The following CTNNA2 variants were observed in gnomAD, a reference collection of about 807,000 sequenced individuals.
CTNNA2 encodes the protein catenin alpha 2.
A neutral mutation model predicts 101.0 loss-of-function variants in CTNNA2; 42 were observed. The observed-to-expected ratio is 0.42, with a 90% confidence interval of 0.32 to 0.54. CTNNA2 has a LOEUF of 0.54. Among genes scored for constraint, CTNNA2 ranks in the 20% least tolerant of loss-of-function variants. CTNNA2 has a pLI of 0.14. For missense variants in CTNNA2, 871 were observed against 1,223.1 expected, an observed-to-expected ratio of 0.71 and a Z score of 4.29; for synonymous variants, 450 against 456.4, an observed-to-expected ratio of 0.99 and a Z score of 0.18.
intron 4 of CTNNA2, among the ~76,000 whole-genome samples, chr2:79,859,632 A>T (rs892453): frequency 0.38 from 54,063 of 142,412 alleles, 10,146 homozygotes; most frequent in East Asian, 0.65. Flanking sequence ...TTTTATTTTT[A>T]TTTTTTCCTC....
chr2:80,642,489 G>A lies in CTNNA2; in HGVS notation c.2575-5096G>A, dbSNP rs145108371. Among the ~76,000 whole-genome samples, 634 of 152,252 alleles carry A rather than the reference G, an allele frequency of 4.2e-3. 8 individuals are homozygous for A. Among genetic ancestry groups the A allele is most frequent in the African/African-American group, 0.013 (545 of 41,530 alleles). ...AGTAGTTGGCAGAAAGTATTCAGTA[G>A]GTGTCTGAAGAAATACTTGGATGAT... On this transcript the variant is annotated intron_variant, in intron 18 of 18. Transcript: ENST00000402739.
At chr2:79,639,868 G>A (rs888268927) in intron 1 of CTNNA2, among the ~76,000 whole-genome samples, 1 of 152,044 alleles carries the variant, frequency 6.6e-6, no homozygotes, top group African/African-American at 2.4e-5. Context: ...AGCAGCTAAA[G>A]TGGTGCATTC....
At chr2:79,807,224 T>G (rs995510990) in intron 3 of CTNNA2, among the ~76,000 whole-genome samples, 11 of 152,196 alleles carry the variant, frequency 7.2e-5, no homozygotes, top group Non-Finnish European at 1.6e-4. Flanking sequence ...TACCTCCTAT[T>G]TCTCTTCTTT....
At chr2:79,701,786 G>A (rs186180352) in intron 2 of CTNNA2, among the ~76,000 whole-genome samples, 1 of 152,196 alleles carries the variant, frequency 6.6e-6, no homozygotes, top group East Asian at 1.9e-4. Flanking sequence ...TGGATCACTT[G>A]AGGTCAAGAG....
intron 3 of CTNNA2, among the ~76,000 whole-genome samples, chr2:79,809,359 C>T (rs902249116): frequency 2.0e-5 from 3 of 152,156 alleles, no homozygotes; most frequent in Admixed American, 1.3e-4. Context: ...CTTGAGGAAT[C>T]GCCACATTGT....
At chr2:79,640,151 T>G (rs2104413290) in intron 1 of CTNNA2, among the ~76,000 whole-genome samples, 1 of 152,274 alleles carries the variant, frequency 6.6e-6, no homozygotes, top group South Asian at 2.1e-4. Flanking sequence ...TCAAATCATG[T>G]ATTTGAATTA....
intron 1 of CTNNA2, among the ~76,000 whole-genome samples, chr2:79,647,609 C>T (rs567128484): frequency 6.6e-6 from 1 of 152,026 alleles, no homozygotes; most frequent in Non-Finnish European, 1.5e-5. Context: ...TGGTTTTGTC[C>T]ACTGATGTAG....
intron 2 of CTNNA2, among the ~76,000 whole-genome samples, chr2:79,657,903 C>T (rs1336960893): frequency 6.6e-6 from 1 of 151,678 alleles, no homozygotes; most frequent in Non-Finnish European, 1.5e-5. Context: ...TAGGATCAAT[C>T]TTTTAAAATA....
chr2:79,565,022 A>G (rs1675019399), intron 1 of CTNNA2, among the ~76,000 whole-genome samples: 1 of 152,208 alleles, frequency 6.6e-6, no homozygotes. Context: ...ATAACAGAAC[A>G]TATTAAAATG....
chr2:80,310,467 A>G (rs560061014), intron 7 of CTNNA2, among the ~76,000 whole-genome samples: 13 of 152,260 alleles, frequency 8.5e-5, no homozygotes, highest in Middle Eastern at 3.4e-3. Flanking sequence ...CAGTCTTCCA[A>G]GGCAGGCAGA....
chr2:79,960,165 T>G (rs1355973078), intron 7 of CTNNA2, among the ~76,000 whole-genome samples: 1 of 152,210 alleles, frequency 6.6e-6, no homozygotes, highest in African/African-American at 2.4e-5. Context: ...AGGTCATATT[T>G]CTAAGATCCT....
intron 7 of CTNNA2, among the ~76,000 whole-genome samples, chr2:80,016,437 C>A (rs1395576166): frequency 6.6e-6 from 1 of 152,082 alleles, no homozygotes. Flanking sequence ...CTAAGCAAGC[C>A]CAGTCAGCCA....
intron 12 of CTNNA2, among the ~76,000 whole-genome samples, chr2:80,573,835 A>T (rs536413368): frequency 6.6e-6 from 1 of 152,348 alleles, no homozygotes; most frequent in East Asian, 1.9e-4. Flanking sequence ...AGCAGCAACC[A>T]GCAGAAATGC....
At chr2:79,675,050 A>G (rs181465561) in intron 2 of CTNNA2, among the ~76,000 whole-genome samples, 1 of 152,332 alleles carries the variant, frequency 6.6e-6, no homozygotes, top group Non-Finnish European at 1.5e-5. Context: ...AGAGGCTGAG[A>G]TATTATCAGT....
chr2:80,306,945 G>A (rs1016468080), intron 7 of CTNNA2, among the ~76,000 whole-genome samples: 1 of 151,870 alleles, frequency 6.6e-6, no homozygotes, highest in Non-Finnish European at 1.5e-5. Context: ...AAGAAAGAAA[G>A]GGAATAAAAT....
intron 7 of CTNNA2, among the ~76,000 whole-genome samples, chr2:80,347,131 A>G (rs1194336235): frequency 6.6e-6 from 1 of 152,236 alleles, no homozygotes; most frequent in Non-Finnish European, 1.5e-5. Context: ...TATAGCAATC[A>G]GCGAGCACCG....
At position 80,467,107 on chromosome 2, in the gene CTNNA2, T is replaced by C. The variant is rs76224290; in HGVS notation, c.1290+47506T>C. 5.7e-3 allele frequency among the ~76,000 whole-genome samples: 866 copies of C among 152,244 alleles called. 8 individuals carry two copies. Among genetic ancestry groups the C allele is most frequent in the African/African-American group, 0.02 (822 of 41,534 alleles). Reference sequence around the variant, plus strand: ...ATACCTTAACATAAAGAAATGTCTTTCAGGGAGAGATAAAAAGTCTCAAAG... The same window carrying C: ...ATACCTTAACATAAAGAAATGTCTTCCAGGGAGAGATAAAAAGTCTCAAAG... On this transcript the variant is annotated intron_variant, in intron 9 of 18. Transcript: ENST00000402739.
At chr2:79,388,717 C>T (rs1377948572) in intron 4 of CTNNA2, among the ~76,000 whole-genome samples, 1 of 152,098 alleles carries the variant, frequency 6.6e-6, no homozygotes, top group East Asian at 1.9e-4. Flanking sequence ...TACTTCATTC[C>T]CTGATCTTAC....
chr2:79,197,560 T>C (rs989745924), intron 1 of CTNNA2, among the ~76,000 whole-genome samples: 5 of 151,826 alleles, frequency 3.3e-5, no homozygotes, highest in African/African-American at 7.3e-5. Context: ...TGTCCATTTG[T>C]ATATTCAATC....
Sources: allele counts gnomAD v4.1 joint callset (sites outside exome capture counted in the v4.1 genomes callset), GRCh38; gene constraint gnomAD v4.1.1; transcripts MANE v1.5; gene names NCBI Gene and HGNC (gene_info 2026-07-23, HGNC 2026-07-21).